DSCAM: variants seen among roughly 807,000 people sequenced by gnomAD.
DSCAM encodes the protein DS cell adhesion molecule.
In DSCAM, 47 loss-of-function variants were observed where a neutral mutation model predicts 217.7. The ratio of observed to expected loss-of-function variants is 0.22; its 90% CI spans 0.17 to 0.28. DSCAM has a LOEUF of 0.28. Among genes scored for constraint, DSCAM ranks in the 10% least tolerant of loss-of-function variants. DSCAM has a pLI of 1.00. For synonymous variants in DSCAM, 1,056 were observed against 1,015.3 expected, an observed-to-expected ratio of 1.04 and a Z score of -0.76; for missense variants, 2,080 against 2,618.3, an observed-to-expected ratio of 0.79 and a Z score of 4.49.
chr21:40,477,532 T>G (rs572374908), intron 3 of DSCAM, among the ~76,000 whole-genome samples: 3 of 152,298 alleles, frequency 2.0e-5, no homozygotes, highest in African/African-American at 7.2e-5. Flanking sequence ...CCATATGTAC[T>G]TACATCCTTT....
intron 1 of DSCAM, among the ~76,000 whole-genome samples, chr21:40,759,945 T>C (rs773586406): frequency 6.6e-6 from 1 of 151,024 alleles, no homozygotes; most frequent in African/African-American, 2.4e-5. Context: ...AGGAGCTGTA[T>C]TGGATACGTT....
At chr21:40,724,110 G>A (rs532167935) in intron 1 of DSCAM, among the ~76,000 whole-genome samples, 1 of 152,248 alleles carries the variant, frequency 6.6e-6, no homozygotes, top group East Asian at 1.9e-4. Context: ...GGGGTTAAGT[G>A]TACATTTTCA....
intron 3 of DSCAM, among the ~76,000 whole-genome samples, chr21:40,462,630 G>A (rs1340758341): frequency 1.3e-5 from 2 of 152,196 alleles, no homozygotes; most frequent in Non-Finnish European, 2.9e-5. Flanking sequence ...TGAAAGCACT[G>A]GTTTAGAGCA....
chr21:40,483,405 G>A (rs1298913225), intron 3 of DSCAM, among the ~76,000 whole-genome samples: 1 of 152,078 alleles, frequency 6.6e-6, no homozygotes, highest in Admixed American at 6.6e-5. Context: ...CAACTTAAAC[G>A]GGCAATATAT....
At chr21:40,591,400 T>A (rs1280798022) in intron 3 of DSCAM, among the ~76,000 whole-genome samples, 1 of 152,234 alleles carries the variant, frequency 6.6e-6, no homozygotes. Flanking sequence ...AGTATCCACC[T>A]GTTACCTAAA....
At chr21:40,389,357 G>A (rs75417232) in intron 3 of DSCAM, among the ~76,000 whole-genome samples, 16 of 152,144 alleles carry the variant, frequency 1.1e-4, no homozygotes, top group Non-Finnish European at 2.4e-4. Context: ...AAAGAGGACC[G>A]TTAAAAAACA....
chr21:40,474,320 A>AG (rs1437519404), intron 3 of DSCAM, among the ~76,000 whole-genome samples: 2 of 151,790 alleles, frequency 1.3e-5, no homozygotes, highest in Non-Finnish European at 2.9e-5. Flanking sequence ...AATATTAAAA[A>AG]AAAACACAAC....
At chr21:40,627,021 G>A (rs2089610100) in intron 3 of DSCAM, among the ~76,000 whole-genome samples, 1 of 152,166 alleles carries the variant, frequency 6.6e-6, no homozygotes, top group African/African-American at 2.4e-5. Flanking sequence ...CAGCCTACTA[G>A]GAAGGGAGAA....
intron 8 of DSCAM, among the ~76,000 whole-genome samples, chr21:40,327,009 G>T (rs2074324925): frequency 6.6e-6 from 1 of 151,040 alleles, no homozygotes; most frequent in South Asian, 2.1e-4. Context: ...GGTGTATGAA[G>T]TACACAATTT....
chr21:40,733,755 C>T (rs1433533684), intron 1 of DSCAM, among the ~76,000 whole-genome samples: 3 of 152,106 alleles, frequency 2.0e-5, no homozygotes, highest in Non-Finnish European at 4.4e-5. Context: ...CTGCTCTGCT[C>T]CACTCTCCCC....
At position 40,052,028 on chromosome 21, in the gene DSCAM, C is replaced by T. The variant is rs201772634; in HGVS notation, c.5115G>A (p.Thr1705=). The change falls in exon 30 of 33, where the codon ACG becomes ACA. Residue 1705 remains threonine (T), a synonymous_variant. Transcript: ENST00000400454. ...CCTGAGACACCGATTGGTAATGGAC[C>T]GTGTGAGTGACCGTCAGGGACTTCT... ...AKQKSLTVTH[T]VHYQSVSQAT... 53 of 1,614,160 alleles carry T rather than the reference C, an allele frequency of 3.3e-5. No homozygotes were observed. Among genetic ancestry groups the T allele is most frequent in the African/African-American group, 2.9e-4 (22 of 75,022 alleles).
intron 3 of DSCAM, among the ~76,000 whole-genome samples, chr21:40,500,627 T>G (rs1457404202): frequency 6.6e-6 from 1 of 152,178 alleles, no homozygotes; most frequent in Non-Finnish European, 1.5e-5. Context: ...ACCTTCAAGC[T>G]CAATCATTAA....
At chr21:40,827,409 T>C (rs1050766410) in intron 1 of DSCAM, among the ~76,000 whole-genome samples, 6 of 143,206 alleles carry the variant, frequency 4.2e-5, no homozygotes, top group African/African-American at 1.6e-4. Flanking sequence ...TTTGAGGCCA[T>C]GGTGAACTGT....
chr21:40,022,397 T>C (rs1001112695), intron 32 of DSCAM, among the ~76,000 whole-genome samples: 4 of 152,218 alleles, frequency 2.6e-5, no homozygotes, highest in Non-Finnish European at 5.9e-5. Context: ...AACTCTGTTT[T>C]AGATGATCAG....
intron 27 of DSCAM, among the ~76,000 whole-genome samples, chr21:40,070,027 C>T (rs2089268174): frequency 6.6e-6 from 1 of 152,156 alleles, no homozygotes; most frequent in Admixed American, 6.5e-5. Context: ...TCCCTGGCTC[C>T]CCTCCACTGG....
At chr21:40,099,446 GGTAA>G (rs1423788678) in intron 20 of DSCAM, among the ~76,000 whole-genome samples, 2 of 152,100 alleles carry the variant, frequency 1.3e-5, no homozygotes, top group Non-Finnish European at 2.9e-5. Flanking sequence ...TGGTTATTTG[GGTAA>G]GTTAGTTACA....
At chr21:40,368,841 A>AC (rs1260443478) in intron 4 of DSCAM, among the ~76,000 whole-genome samples, 2 of 152,164 alleles carry the variant, frequency 1.3e-5, no homozygotes, top group Non-Finnish European at 2.9e-5. Flanking sequence ...TGGATCTTTC[A>AC]CTCCTAATGT....
At chr21:40,834,393 T>C (rs1044643055) in intron 1 of DSCAM, among the ~76,000 whole-genome samples, 1 of 147,588 alleles carries the variant, frequency 6.8e-6, no homozygotes, top group Non-Finnish European at 1.5e-5. Context: ...GGCGACAGAG[T>C]GAGACTCTGT....
intron 1 of DSCAM, among the ~76,000 whole-genome samples, chr21:40,828,291 G>A (rs1044811501): frequency 6.6e-6 from 1 of 152,192 alleles, no homozygotes; most frequent in Non-Finnish European, 1.5e-5. Context: ...AAGCAGATGG[G>A]AGATGTGGAA....
Sources: gnomAD v4.1 joint callset for allele counts (sites outside exome capture counted in the v4.1 genomes callset) on GRCh38, gnomAD v4.1.1 for gene constraint, MANE v1.5 for transcripts, NCBI Gene and HGNC (gene_info 2026-07-23, HGNC 2026-07-21) for gene names.